Variants in ADAMTSL1 observed in about 807,000 individuals in gnomAD.
ADAMTSL1 encodes the protein ADAMTS-like protein 1.
A neutral mutation model predicts 201.8 loss-of-function variants in ADAMTSL1; 126 were observed. That is an observed-to-expected ratio of 0.62 (90% CI 0.54 to 0.72). The LOEUF is 0.72. Among genes scored for constraint, ADAMTSL1 ranks in the 30% least tolerant of loss-of-function variants. ADAMTSL1 has a pLI of 0.00. For missense variants in ADAMTSL1, 2,679 were observed against 2,277.8 expected (o/e 1.18, Z -3.59); for synonymous variants, 1,121 against 903.4 (o/e 1.24, Z -4.32).
At chr9:18,884,287 T>C (rs1362321134) in intron 23 of ADAMTSL1, among the ~76,000 whole-genome samples, 1 of 152,236 alleles carries the variant, frequency 6.6e-6, no homozygotes, top group African/African-American at 2.4e-5. Flanking sequence ...AGTTATCAAA[T>C]TTTAAGAGTT....
intron 4 of ADAMTSL1, among the ~76,000 whole-genome samples, chr9:18,621,444 C>G (rs1011936282): frequency 6.6e-6 from 1 of 151,974 alleles, no homozygotes; most frequent in African/African-American, 2.4e-5. Flanking sequence ...TTGCATGGCT[C>G]TTTTGAGAAT....
At chr9:18,490,398 G>T (rs1408225565) in intron 1 of ADAMTSL1, among the ~76,000 whole-genome samples, 1 of 152,082 alleles carries the variant, frequency 6.6e-6, no homozygotes, top group Admixed American at 6.5e-5. Context: ...GGGAATTGTT[G>T]TATAGCAATG....
chr9:18,833,095 GAATGTTGCC>G (rs1264663577), intron 23 of ADAMTSL1, among the ~76,000 whole-genome samples: 1 of 152,158 alleles, frequency 6.6e-6, no homozygotes, highest in Non-Finnish European at 1.5e-5. Context: ...TCTCCAAAGG[GAATGTTGCC>G]TGAGCAACAC....
intron 15 of ADAMTSL1, among the ~76,000 whole-genome samples, chr9:18,748,939 C>T (rs1293397456): frequency 1.3e-5 from 2 of 152,192 alleles, no homozygotes; most frequent in African/African-American, 4.8e-5. Context: ...TCCTTGCTTC[C>T]TCTACTTTCT....
intron 2 of ADAMTSL1, among the ~76,000 whole-genome samples, chr9:18,422,235 T>G (rs547007595): frequency 1.3e-5 from 2 of 152,236 alleles, no homozygotes; most frequent in South Asian, 2.1e-4. Context: ...TCTAGGATGT[T>G]TGCCACTTTG....
At chr9:18,273,071 G>C (rs1271174318) in intron 2 of ADAMTSL1, among the ~76,000 whole-genome samples, 1 of 152,088 alleles carries the variant, frequency 6.6e-6, no homozygotes, top group Non-Finnish European at 1.5e-5. Flanking sequence ...TGGTTGCAGG[G>C]ACCAAAAGGT....
At chr9:18,294,150 C>A (rs1043928580) in intron 2 of ADAMTSL1, among the ~76,000 whole-genome samples, 3 of 152,130 alleles carry the variant, frequency 2.0e-5, no homozygotes, top group Non-Finnish European at 2.9e-5. Flanking sequence ...AATTGCCAAC[C>A]TAAAATTTCA....
intron 1 of ADAMTSL1, among the ~76,000 whole-genome samples, chr9:18,500,521 G>A (rs1039754037): frequency 6.6e-6 from 1 of 152,122 alleles, no homozygotes; most frequent in Non-Finnish European, 1.5e-5. Flanking sequence ...ACATTTAAAG[G>A]TCAATATGTG....
intron 1 of ADAMTSL1, among the ~76,000 whole-genome samples, chr9:18,485,232 T>C (rs1821928587): frequency 6.6e-6 from 1 of 152,120 alleles, no homozygotes. Flanking sequence ...TCCGGTTTTC[T>C]TTTACCAGTA....
chr9:18,683,998 G>A (rs1830675974), intron 12 of ADAMTSL1, among the ~76,000 whole-genome samples: 1 of 152,154 alleles, frequency 6.6e-6, no homozygotes, highest in Non-Finnish European at 1.5e-5. Context: ...ATGCTAGAAT[G>A]GGAATCTTGG....
At chr9:18,494,619 G>A (rs191548982) in intron 1 of ADAMTSL1, among the ~76,000 whole-genome samples, 5 of 152,246 alleles carry the variant, frequency 3.3e-5, no homozygotes, top group African/African-American at 1.2e-4. Context: ...ATTACAAAAA[G>A]CAGGAATGAA....
At chr9:18,805,109 C>T (rs1413766131) in intron 20 of ADAMTSL1, among the ~76,000 whole-genome samples, 2 of 152,162 alleles carry the variant, frequency 1.3e-5, no homozygotes, top group African/African-American at 2.4e-5. Flanking sequence ...ATGGGGGTCA[C>T]CCAGGGAGTC....
intron 2 of ADAMTSL1, among the ~76,000 whole-genome samples, chr9:18,518,845 T>A (rs1446828991): frequency 6.6e-6 from 1 of 152,182 alleles, no homozygotes; most frequent in Non-Finnish European, 1.5e-5. Context: ...AGTGCTGGGA[T>A]TACAGGCATG....
At chr9:18,225,770 A>C (rs1167023100) in intron 2 of ADAMTSL1, among the ~76,000 whole-genome samples, 3 of 152,162 alleles carry the variant, frequency 2.0e-5, no homozygotes, top group African/African-American at 2.4e-5. Context: ...GGGCCGTTAA[A>C]ATTAAATATG....
chr9:18,853,977 C>T (rs909288220), intron 23 of ADAMTSL1, among the ~76,000 whole-genome samples: 4 of 150,660 alleles, frequency 2.7e-5, no homozygotes, highest in African/African-American at 9.8e-5. Context: ...GATTTGTCTC[C>T]AAGATATTGT....
chr9:18,328,553 A>C (rs1372511409), intron 2 of ADAMTSL1, among the ~76,000 whole-genome samples: 1 of 152,222 alleles, frequency 6.6e-6, no homozygotes, highest in Non-Finnish European at 1.5e-5. Context: ...GGAGAACTGA[A>C]GAAACATACC....
At chr9:18,043,126 C>T (rs142553161) in intron 1 of ADAMTSL1, among the ~76,000 whole-genome samples, 1 of 152,124 alleles carries the variant, frequency 6.6e-6, no homozygotes, top group Non-Finnish European at 1.5e-5. Context: ...TGCCACATGT[C>T]ACAATTACCT....
In ADAMTSL1 at chr9:18,831,093, G is replaced by A. The variant is rs146023002; in HGVS notation, c.4249+1116G>A. ...CACAGAAACATGACCCTCAATTTTC[G>A]TTTTCATCTGAAACTTGCAAAGAAT... is the stretch of plus-strand genomic sequence containing the variant. On this transcript the variant is annotated intron_variant, in intron 23 of 28. Coordinates refer to ENST00000380548, the MANE Select transcript of ADAMTSL1 (RefSeq NM_001040272.6). Among the ~76,000 whole-genome samples the A allele has an allele frequency of 2.2e-4, 34 of 152,262 alleles. No homozygotes were observed. The East Asian group carries it at 3.9e-3, about 17-fold the overall frequency.
At chr9:18,185,751 TTGAG>T (rs2132205177) in intron 2 of ADAMTSL1, among the ~76,000 whole-genome samples, 1 of 152,290 alleles carries the variant, frequency 6.6e-6, no homozygotes, top group Admixed American at 6.5e-5. Flanking sequence ...GAAAGCATAA[TTGAG>T]TAACAAATGT....
Sources: allele counts gnomAD v4.1 joint callset (sites outside exome capture counted in the v4.1 genomes callset), GRCh38; gene constraint gnomAD v4.1.1; transcripts MANE v1.5; gene names NCBI Gene and HGNC (gene_info 2026-07-23, HGNC 2026-07-21).